ARHGEF40: variants seen among roughly 807,000 people sequenced by gnomAD.
ARHGEF40 encodes the protein Rho guanine nucleotide exchange factor 40.
A neutral mutation model predicts 165.9 loss-of-function variants in ARHGEF40; 98 were observed. The ratio of observed to expected loss-of-function variants is 0.59; its 90% CI spans 0.50 to 0.70. The LOEUF is 0.70. Among genes scored for constraint, ARHGEF40 ranks in the 30% least tolerant of loss-of-function variants. ARHGEF40 has a pLI of 0.00. For synonymous variants in ARHGEF40, 792 were observed against 814.3 expected, an observed-to-expected ratio of 0.97 and a Z score of 0.47; for missense variants, 1,815 against 1,968.0, an observed-to-expected ratio of 0.92 and a Z score of 1.47.
Position 21,083,384 on chromosome 14 carries a change from C to CAA in ARHGEF40, c.3574-436_3574-435dup, listed in dbSNP as rs59831663. ...TGAAACCCCATCTCTACTAGAAATA[C>CAA]AAAAAAAAAAAAAAAATTAGCCAGG... On this transcript the variant is annotated intron_variant, in intron 16 of 23. Transcript: ENST00000298694. Among the ~76,000 whole-genome samples the CAA allele has an allele frequency of 1.8e-3, 230 of 128,040 alleles. 6 individuals carry two copies. In the South Asian group the frequency reaches 0.052, roughly 29 times the overall value. The allele number at this position is 128,040 out of a possible 152,430, so 84.0% of individuals were successfully genotyped here. A position where few individuals can be genotyped will look rare whatever the true frequency, so the allele number is the denominator to read the frequency against.
chr14:21,068,063 G>A (rs927040178), upstream of ARHGEF40, among the ~76,000 whole-genome samples: 7 of 11,586 alleles, frequency 6.0e-4, 3 homozygotes, highest in Non-Finnish European at 2.1e-3. Context: ...GCAGTGGCGC[G>A]ATCTCGGCTC....
chr14:21,086,830 A>G, intron 19 of ARHGEF40, 171 bp from the exon 20 acceptor site: 1 of 589,416 alleles, frequency 1.7e-6, no homozygotes, highest in South Asian at 2.1e-5. Flanking sequence ...ATTGCCATCC[A>G]TGTTGTGATA....
chr14:21,080,945 T>G lies in ARHGEF40; in HGVS notation c.2569T>G (p.Phe857Val), dbSNP rs759701637. Residue 857 changes from phenylalanine to valine, a missense_variant, in exon 13 of 24, where the codon TTT becomes GTT. By Grantham distance (50) the Phe-to-Val change is conservative. Coordinates refer to ENST00000298694, the MANE Select transcript of ARHGEF40 (RefSeq NM_018071.5). ...CACCTCCCAGAAGGTGCTGGATATCTTTGAACAGCGGCTGGAGCAGGTTGA... is the reference window on the plus strand; with the variant it reads ...CACCTCCCAGAAGGTGCTGGATATCGTTGAACAGCGGCTGGAGCAGGTTGA... ...NATSQKVLDI[F>V]EQRLEQVESG... 6.2e-7 allele frequency: 1 copy of G among 1,614,214 alleles called. No homozygotes were observed. The highest frequency in any genetic ancestry group is 1.7e-5 in the Admixed American group (1 of 60,028).
Position 21,076,873 on chromosome 14 carries a change from T to C in ARHGEF40, c.2017T>C (p.Trp673Arg). The change falls in exon 8 of 24, where the codon TGG becomes CGG. Residue 673 changes from tryptophan (W) to arginine (R), a missense_variant. Transcript: ENST00000298694. Reference sequence around the variant, plus strand: ...TCACAGGGACCCCTCTCCCAGTCACTGGGTAGAGATACACCAGGTAAGCTT... The same window carrying C: ...TCACAGGGACCCCTCTCCCAGTCACCGGGTAGAGATACACCAGGTAAGCTT... ...GGHRDPSPSH[W>R]VEIHQEVVRL... 6.2e-7 allele frequency: 1 copy of C among 1,613,256 alleles called. No homozygotes were observed. The highest frequency in any genetic ancestry group is 1.1e-5 in the South Asian group (1 of 91,028).
intron 17 of ARHGEF40, 92 bp downstream of exon 17, chr14:21,084,142 G>C (rs1205529041): frequency 7.6e-7 from 1 of 1,323,896 alleles, no homozygotes; most frequent in African/African-American, 1.5e-5. Context: ...CAGGCTCCAG[G>C]TCAGAGGGCT....
At position 21,070,864 on chromosome 14, in the gene ARHGEF40, C is replaced by A; in HGVS notation, c.3+465C>A. On this transcript the variant is annotated intron_variant, in intron 1 of 23. Transcript: ENST00000298694. This position sits in a 1 kb window ranked among gnomAD's most constrained non-coding sequence, Gnocchi z 4.7. ...CACCATTTTCCATCCCTGTCCCCAACCCGGTGAGGCAGGCCCACCCATCCG... is the reference window on the plus strand; with the variant it reads ...CACCATTTTCCATCCCTGTCCCCAAACCGGTGAGGCAGGCCCACCCATCCG... 1.3e-6 allele frequency: 2 copies of A among 1,535,648 alleles called. No homozygotes were observed. Among genetic ancestry groups the A allele is most frequent in the South Asian group, 1.2e-5 (1 of 84,066 alleles).
At chr14:21,068,618 G>C (rs1015977003), upstream of ARHGEF40, among the ~76,000 whole-genome samples, 10 of 152,092 alleles carry the variant, frequency 6.6e-5, no homozygotes, top group Non-Finnish European at 1.0e-4. Context: ...TGGACACCAG[G>C]GGGTAGCAAA....
the ARHGEF40 span, among the ~76,000 whole-genome samples, chr14:21,062,154 C>G: frequency 2.0e-5 from 3 of 152,106 alleles, no homozygotes; most frequent in African/African-American, 7.2e-5. Flanking sequence ...GTTAAAAAGC[C>G]AAGTAGCCTC....
rs749135684 is a variant in ARHGEF40 at position 21,074,738 on chromosome 14, C to T, written c.1008C>T (p.Pro336=). Residue 336 remains proline, a synonymous_variant, in exon 3 of 24, where the codon CCC becomes CCT. Coordinates refer to ENST00000298694, the MANE Select transcript of ARHGEF40 (RefSeq NM_018071.5). This position sits in a 1 kb window ranked among gnomAD's most constrained non-coding sequence, Gnocchi z 4.8. ...PEAAVLEVSE[P]PAEAVGEASG... is the part of the protein sequence containing the mutation. ...CAGCAGTCTTGGAGGTGTCTGAGCCCCCAGCAGAGGCTGTGGGAGAAGCCT... is the reference window on the plus strand; with the variant it reads ...CAGCAGTCTTGGAGGTGTCTGAGCCTCCAGCAGAGGCTGTGGGAGAAGCCT... 2.5e-6 allele frequency: 4 copies of T among 1,606,606 alleles called. No individual in the cohort carries two copies. Among genetic ancestry groups the T allele is most frequent in the Non-Finnish European group, 3.4e-6 (4 of 1,177,374 alleles).
At chr14:21,077,037 TC>T in intron 8 of ARHGEF40, 147 bp downstream of exon 8, 1 of 622,770 alleles carries the variant, frequency 1.6e-6, no homozygotes. Context: ...TATTTATGGC[TC>T]CCAAATCATG....
intron 15 of ARHGEF40, 115 bp from the exon 16 acceptor site, chr14:21,082,716 G>T: frequency 5.1e-6 from 6 of 1,167,876 alleles, no homozygotes; most frequent in Non-Finnish European, 7.5e-6. Context: ...TAGGCTGAGT[G>T]CTCCCTGGTG....
At chr14:21,087,779 T>G in intron 21 of ARHGEF40, 189 bp from the exon 22 acceptor site, 1 of 790,464 alleles carries the variant, frequency 1.3e-6, no homozygotes, top group Non-Finnish European at 2.1e-6. Context: ...GCTTCTTCCC[T>G]GGTTGCTCTA....
At position 21,088,047 on chromosome 14, in the gene ARHGEF40, G is replaced by A. The variant is rs752722022; in HGVS notation, c.4467G>A (p.Gly1489=). Reference sequence around the variant, plus strand: ...CCAGCCTGCAACCCCCCCACCCTGGGAGCAGCACTCCCACCCTGGCCAGTC... The same window carrying A: ...CCAGCCTGCAACCCCCCCACCCTGGAAGCAGCACTCCCACCCTGGCCAGTC... ...NSPSLQPPHP[G]SSTPTLASRG... The change falls in exon 22 of 24, where the codon GGG becomes GGA. Residue 1489 remains glycine (G), a synonymous_variant. Coordinates refer to ENST00000298694, the MANE Select transcript of ARHGEF40 (RefSeq NM_018071.5). The A allele has an allele frequency of 3.2e-5, 51 of 1,613,886 alleles. No homozygotes were observed. The highest frequency in any genetic ancestry group is 2.9e-5 in the Non-Finnish European group (34 of 1,179,978).
At chr14:21,062,804 C>T in the ARHGEF40 span, among the ~76,000 whole-genome samples, 1 of 148,750 alleles carries the variant, frequency 6.7e-6, no homozygotes. Flanking sequence ...TGCAGTGGTG[C>T]GATCTCAGCT....
At position 21,082,109 on chromosome 14, in the gene ARHGEF40, C is replaced by A; in HGVS notation, c.3241C>A (p.Arg1081=). ...AGGCACCCCCCGGATGGAGCGCAAG[C>A]GAAGCATCAGGTGAGATCCCAGCCC... The part of the protein sequence containing the change: ...GVGTPRMERK[R]SISAQQRLVS... The change falls in exon 14 of 24, where the codon CGA becomes AGA. Residue 1081 remains arginine (R), a synonymous_variant. Transcript: ENST00000298694. 1 of 1,563,392 alleles carries A rather than the reference C, an allele frequency of 6.4e-7. No individual in the cohort carries two copies. The highest frequency in any genetic ancestry group is 8.7e-7 in the Non-Finnish European group (1 of 1,153,982).
chr14:21,080,314 G>A (rs1167762589), intron 11 of ARHGEF40, among the ~76,000 whole-genome samples: 1 of 151,818 alleles, frequency 6.6e-6, no homozygotes, highest in African/African-American at 2.4e-5. Context: ...CCAAGGCTTG[G>A]TGAAGGCCGT....
In ARHGEF40 at chr14:21,075,193, G is replaced by A. The variant is rs369064278; in HGVS notation, c.1450+13G>A. ...CTGTGTATGGCAGGTGAGATGACAC[G>A]GAGTGAGGCTCATGGGGCAAGGGCC... On this transcript the variant is annotated intron_variant, in intron 3 of 23. Coordinates refer to ENST00000298694, the MANE Select transcript of ARHGEF40 (RefSeq NM_018071.5). This position sits in a 1 kb window ranked among gnomAD's most constrained non-coding sequence, Gnocchi z 4.5. The A allele has an allele frequency of 5.4e-5, 86 of 1,585,640 alleles. No individual in the cohort carries two copies. Among genetic ancestry groups the A allele is most frequent in the Admixed American group, 1.8e-4 (10 of 57,014 alleles).
intron 18 of ARHGEF40, 82 bp downstream of exon 18, chr14:21,085,005 C>T (rs1169008353): frequency 6.6e-7 from 1 of 1,522,970 alleles, no homozygotes; most frequent in Non-Finnish European, 8.9e-7. Context: ...AAATTCAGCC[C>T]CAACAGAGGT....
rs1295032175 is a variant in ARHGEF40 at position 21,084,801 on chromosome 14, G to T, written c.3838G>T (p.Val1280Phe). ...GCTCTTGCATCGAGACCCCTTCACT[G>T]TCATCTGTGGCCGAAAGAAGTGCCT... ...GQLLHRDPFT[V>F]ICGRKKCLRH... The change falls in exon 18 of 24, where the codon GTC (valine) becomes TTC (phenylalanine). Residue 1280 changes from valine to phenylalanine, a missense_variant. Coordinates refer to ENST00000298694, the MANE Select transcript of ARHGEF40 (RefSeq NM_018071.5). The T allele has an allele frequency of 6.2e-7, 1 of 1,614,064 alleles. No individual in the cohort carries two copies. The highest frequency in any genetic ancestry group is 8.5e-7 in the Non-Finnish European group (1 of 1,180,046).
Sources: gnomAD v4.1 joint callset for allele counts (sites outside exome capture counted in the v4.1 genomes callset) on GRCh38, gnomAD v4.1.1 for gene constraint, Gnocchi (gnomAD v3.1) non-coding constraint, MANE v1.5 for transcripts, NCBI Gene and HGNC (gene_info 2026-07-23, HGNC 2026-07-21) for gene names.